Variants in FAM186B observed in about 807,000 individuals in gnomAD.
FAM186B encodes the protein family with sequence similarity 186 member B, also known as protein FAM186B.
In FAM186B, 68 loss-of-function variants were observed where a neutral mutation model predicts 83.4. The ratio of observed to expected loss-of-function variants is 0.81; its 90% confidence interval spans 0.67 to 1.00. The LOEUF is 1.00. FAM186B is among the 50% of genes least tolerant of loss of function. The probability of loss-of-function intolerance (pLI) is 0.00; values close to 1 mark genes in which losing one functional copy is unlikely to be tolerated. For synonymous variants in FAM186B, 389 were observed against 422.0 expected (o/e 0.92, Z 0.96); for missense variants, 983 against 1,099.2 (o/e 0.89, Z 1.49).
chr12:49,602,725 T>A (rs760182435), intron 3 of FAM186B, among the ~76,000 whole-genome samples: 1 of 152,182 alleles, frequency 6.6e-6, no homozygotes, highest in East Asian at 1.9e-4. Flanking sequence ...TTCGATAATA[T>A]CAGGTTCTCC....
At chr12:49,602,020 G>A (rs988010198) in intron 3 of FAM186B, among the ~76,000 whole-genome samples, 2 of 152,158 alleles carry the variant, frequency 1.3e-5, no homozygotes. Context: ...GATAACTTGG[G>A]TTTGAATCCC....
chr12:49,615,104 G>A, the FAM186B span, among the ~76,000 whole-genome samples: 1 of 152,046 alleles, frequency 6.6e-6, no homozygotes, highest in African/African-American at 2.4e-5. Context: ...ACTCCAGCCT[G>A]GGTGACAGAG....
chr12:49,616,365 C>T, the FAM186B span, among the ~76,000 whole-genome samples: 1 of 152,112 alleles, frequency 6.6e-6, no homozygotes, highest in African/African-American at 2.4e-5. Context: ...AGCATATAGC[C>T]CAGCAATCCC....
the FAM186B span, chr12:49,619,667 CTTTTTTTTTTT>C: frequency 6.8e-5 from 10 of 145,998 alleles, no homozygotes; most frequent in Admixed American, 2.2e-4. Context: ...TTAGACATCT[CTTTTTTTTTTT>C]TTTTTTTTTT....
the FAM186B span, among the ~76,000 whole-genome samples, chr12:49,621,712 G>A: frequency 6.6e-6 from 1 of 152,212 alleles, no homozygotes; most frequent in African/African-American, 2.4e-5. Flanking sequence ...CCCTGGGGAG[G>A]ACAGACCCAA....
intron 6 of FAM186B, among the ~76,000 whole-genome samples, chr12:49,587,964 A>G (rs1939487293): frequency 6.6e-6 from 1 of 152,110 alleles, no homozygotes; most frequent in Non-Finnish European, 1.5e-5. Context: ...AGAGGTTCCC[A>G]GGGCGGCCCC....
rs200005083 is a variant in FAM186B at position 49,599,947 on chromosome 12, G to A, written c.1693C>T (p.Arg565Ter). The change falls in exon 4 of 7, where the codon CGA becomes TGA. Residue 565 changes from arginine to a stop codon, truncating the protein, a stop_gained. Transcript: ENST00000257894. LOFTEE classifies it high-confidence loss of function. ...TCTGCCTTCTCCAAGTCCCTCCATC[G>A]ACTGGTGGGTGTGAAGATCCTCCTC... Reference protein sequence around the residue: ...VERRIFTPTSRWRDLEKAELS... With the variant: ...VERRIFTPTS The A allele has an allele frequency of 5.0e-6, 8 of 1,613,896 alleles. No individual in the cohort carries two copies. Among genetic ancestry groups the A allele is most frequent in the Non-Finnish European group, 6.8e-6 (8 of 1,179,940 alleles).
intron 5 of FAM186B, 82 bp downstream of exon 5, chr12:49,598,673 G>A (rs1939783827): frequency 6.2e-6 from 8 of 1,280,306 alleles, no homozygotes; most frequent in East Asian, 4.8e-5. Flanking sequence ...ACATCCCCAC[G>A]GGTTCATTTC....
chr12:49,598,143 T>A (rs1260583508), intron 5 of FAM186B, among the ~76,000 whole-genome samples: 8 of 151,672 alleles, frequency 5.3e-5, no homozygotes, highest in Admixed American at 2.6e-4. Context: ...CAATTAAGAG[T>A]GAGGATAGAT....
Position 49,596,994 on chromosome 12 carries a change from C to A in FAM186B, c.2364+1761G>T, listed in dbSNP as rs1049275763. ...ACCGTGGTCTCATAAGATTATAATA[C>A]CATATCTTTACTGTACTTTTTCTAT... On this transcript the variant is annotated intron_variant, in intron 5 of 6. Coordinates refer to ENST00000257894, the MANE Select transcript of FAM186B (RefSeq NM_032130.3). Among the ~76,000 whole-genome samples the A allele has an allele frequency of 2.6e-5, 4 of 152,140 alleles. No homozygotes were observed. In the East Asian group the frequency reaches 7.7e-4, roughly 29 times the overall value.
chr12:49,606,683 T>C (rs1184456866), upstream of FAM186B, among the ~76,000 whole-genome samples: 2 of 152,186 alleles, frequency 1.3e-5, no homozygotes. Flanking sequence ...TCCAAAATTA[T>C]AGTTGGAGAT....
In FAM186B at chr12:49,601,088, C is replaced by T. The variant is rs757598310; in HGVS notation, c.552G>A (p.Gln184=). The T allele has an allele frequency of 5.6e-6, 9 of 1,593,218 alleles. No individual in the cohort carries two copies. The highest frequency in any genetic ancestry group is 6.9e-6 in the Non-Finnish European group (8 of 1,167,810). ...GTGGCTGAGGATGGGATGGAGATGT[C>T]TGTGGGCTTCTTCCCTGCCAGCCCT... is the stretch of plus-strand genomic sequence containing the variant. The part of the protein sequence containing the change: ...FWQGWQGRSP[Q]TSPSHPQPLS... The change falls in exon 4 of 7, where the codon CAG becomes CAA. Residue 184 remains glutamine (Q), a synonymous_variant. Transcript: ENST00000257894.
At chr12:49,584,509 C>G (rs527464048), downstream of FAM186B, 67 of 702,370 alleles carry the variant, frequency 9.5e-5, 1 homozygote, top group African/African-American at 1.0e-3. Context: ...CTTGATCCTT[C>G]TGGCTTATTT....
At chr12:49,615,480 C>T in the FAM186B span, among the ~76,000 whole-genome samples, 3 of 152,194 alleles carry the variant, frequency 2.0e-5, no homozygotes, top group Non-Finnish European at 4.4e-5. Flanking sequence ...GATTCAAATA[C>T]ACACATCACG....
intron 3 of FAM186B, among the ~76,000 whole-genome samples, chr12:49,602,718 G>A (rs557686100): frequency 2.6e-5 from 4 of 152,276 alleles, no homozygotes; most frequent in Admixed American, 2.6e-4. Context: ...GTATGAGTTC[G>A]ATAATATCAG....
intron 1 of FAM186B, 98 bp from the exon 2 acceptor site, chr12:49,604,636 G>A: frequency 2.2e-6 from 2 of 890,204 alleles, no homozygotes; most frequent in Non-Finnish European, 3.5e-6. Context: ...TAGCCTCTTT[G>A]GGTCTCAGTT....
downstream of FAM186B, among the ~76,000 whole-genome samples, chr12:49,587,067 A>T (rs1030523857): frequency 6.6e-6 from 1 of 152,208 alleles, no homozygotes; most frequent in Non-Finnish European, 1.5e-5. Context: ...AGTGACATCT[A>T]CAAGCCCAGA....
chr12:49,621,596 T>C, the FAM186B span, among the ~76,000 whole-genome samples: 1 of 152,074 alleles, frequency 6.6e-6, no homozygotes, highest in Non-Finnish European at 1.5e-5. Flanking sequence ...GGGGAAGAAT[T>C]TGAGGTAGAG....
At position 49,603,167 on chromosome 12, in the gene FAM186B, G is replaced by C. The variant is rs781086116; in HGVS notation, c.505+18C>G. The C allele has an allele frequency of 6.2e-7, 1 of 1,614,046 alleles. No individual in the cohort carries two copies. Among genetic ancestry groups the C allele is most frequent in the Non-Finnish European group, 8.5e-7 (1 of 1,179,998 alleles). ...CCGTCCCCACCTAGCTCCCTGGCCA[G>C]GTGCTCCTAGAACCTACCTTGTGAC... On this transcript the variant is annotated intron_variant, in intron 3 of 6. Coordinates refer to ENST00000257894, the MANE Select transcript of FAM186B (RefSeq NM_032130.3).
Sources: allele counts gnomAD v4.1 joint callset (sites outside exome capture counted in the v4.1 genomes callset), GRCh38; gene constraint gnomAD v4.1.1; transcripts MANE v1.5; gene names NCBI Gene and HGNC (gene_info 2026-07-23, HGNC 2026-07-21).